ICE1: variants seen among roughly 807,000 people sequenced by gnomAD.
ICE1 encodes interactor of little elongation complex ELL subunit 1, also known as little elongation complex subunit 1.
A neutral mutation model predicts 192.7 loss-of-function variants in ICE1; 64 were observed. The ratio of observed to expected loss-of-function variants is 0.33; its 90% CI spans 0.27 to 0.41. ICE1 has a LOEUF of 0.41. Ranked by LOEUF, ICE1 falls within the 10% of genes least tolerant of loss-of-function variation. ICE1 has a pLI of 1.00. For missense variants in ICE1, 2,708 were observed against 2,696.0 expected (o/e 1.00, Z -0.10); for synonymous variants, 1,010 against 984.5 (o/e 1.03, Z -0.49).
At chr5:5,465,354 T>A in intron 13 of ICE1, 128 bp downstream of exon 13, 1 of 639,716 alleles carries the variant, frequency 1.6e-6, no homozygotes, top group East Asian at 2.8e-5. Flanking sequence ...GAGTTATCCA[T>A]GTAAACATTA....
At chr5:5,483,531 TGTG>T (rs904439176) in intron 17 of ICE1, among the ~76,000 whole-genome samples, 2 of 152,094 alleles carry the variant, frequency 1.3e-5, no homozygotes, top group Non-Finnish European at 2.9e-5. Context: ...GTCACAGAAA[TGTG>T]GTGGAGAATA....
Position 5,478,114 on chromosome 5 carries a change from G to A in ICE1, c.6520+2035G>A, listed in dbSNP as rs550487446. On this transcript the variant is annotated intron_variant, in intron 17 of 18. Transcript: ENST00000296564. ...ACTCCTGTTCAACATCGTATTGGAA[G>A]TTCTGGCCAGGCCAATCAGGCAAGA... Among the ~76,000 whole-genome samples, 5 of 152,326 alleles carry A rather than the reference G, an allele frequency of 3.3e-5. No homozygotes were observed. In the East Asian group the frequency reaches 9.6e-4, roughly 29 times the overall value.
chr5:5,461,069 A>G lies in ICE1; in HGVS notation c.1735A>G (p.Ile579Val). The G allele has an allele frequency of 1.2e-6, 2 of 1,614,096 alleles. No individual in the cohort carries two copies. Among genetic ancestry groups the G allele is most frequent in the South Asian group, 1.1e-5 (1 of 91,090 alleles). Residue 579 changes from isoleucine to valine, a missense_variant, in exon 13 of 19, where the codon ATC (isoleucine) becomes GTC (valine). Physicochemically the swap from Ile to Val is conservative, Grantham distance 29. Around this residue, in one of 2 missense-constraint regions of ICE1, gnomAD observed 2,366 missense variants for 2,276.6 expected, o/e 1.04. Coordinates refer to ENST00000296564, the MANE Select transcript of ICE1 (RefSeq NM_015325.3). ...INEITSEPDR[I>V]TVSGHFHRLS... ...TGAAATCACTTCTGAACCAGACCGTATCACAGTTTCTGGCCATTTTCACAG... is the reference window on the plus strand; with the variant it reads ...TGAAATCACTTCTGAACCAGACCGTGTCACAGTTTCTGGCCATTTTCACAG...
chr5:5,447,758 A>C lies in ICE1; in HGVS notation c.545A>C (p.Lys182Thr). The C allele has an allele frequency of 6.3e-7, 1 of 1,584,534 alleles. No homozygotes were observed. The highest frequency in any genetic ancestry group is 8.6e-7 in the Non-Finnish European group (1 of 1,163,142). ...LDEFSKQKNEKELRHIGTQIS... is the reference protein window; with the variant it reads ...LDEFSKQKNETELRHIGTQIS... ...GAATTTTCTAAACAGAAAAATGAAAAGGGTGAGTATTCAGTTAATGCTTAC... is the reference window on the plus strand; with the variant it reads ...GAATTTTCTAAACAGAAAAATGAAACGGGTGAGTATTCAGTTAATGCTTAC... Residue 182 changes from lysine to threonine, a missense_variant and splice_region_variant, in exon 9 of 19, where the codon AAG becomes ACG. Coordinates refer to ENST00000296564, the MANE Select transcript of ICE1 (RefSeq NM_015325.3).
chr5:5,442,415 T>A (rs1298294414), intron 5 of ICE1, among the ~76,000 whole-genome samples: 2 of 152,230 alleles, frequency 1.3e-5, no homozygotes, highest in African/African-American at 4.8e-5. Flanking sequence ...ACTATATGTA[T>A]AACTATGCTG....
intron 3 of ICE1, among the ~76,000 whole-genome samples, chr5:5,438,074 C>A (rs1280832696): frequency 1.3e-5 from 2 of 152,228 alleles, no homozygotes; most frequent in African/African-American, 4.8e-5. Flanking sequence ...ACTCAGAGTT[C>A]TGCATGGCTG....
chr5:5,464,694 C>A lies in ICE1; in HGVS notation c.5360C>A (p.Pro1787Gln), dbSNP rs370539758. The change falls in exon 13 of 19, where the codon CCG becomes CAG. Residue 1787 changes from proline to glutamine, a missense_variant. Transcript: ENST00000296564. The surrounding 1 kb of genome is among the most constrained non-coding windows in gnomAD (Gnocchi z 4.0). ...CCGCCTGCTGACTGTAAGAATTTAC[C>A]GGGACCTGCCAGTGCTATGATAGGA... ...RGPPADCKNL[P>Q]GPASAMIGFK... The A allele has an allele frequency of 6.2e-7, 1 of 1,613,890 alleles. No individual in the cohort carries two copies. The highest frequency in any genetic ancestry group is 1.1e-5 in the South Asian group (1 of 91,060).
At chr5:5,442,498 GAGA>G (rs1738080345) in intron 5 of ICE1, among the ~76,000 whole-genome samples, 1 of 152,208 alleles carries the variant, frequency 6.6e-6, no homozygotes, top group African/African-American at 2.4e-5. Flanking sequence ...AGCCATATTT[GAGA>G]AGAAGCATGA....
chr5:5,439,818 A>T, intron 3 of ICE1, 77 bp from the exon 4 acceptor site: 1 of 937,476 alleles, frequency 1.1e-6, no homozygotes, highest in Non-Finnish European at 1.6e-6. Context: ...ATTATTAAAG[A>T]TAATTGTAAA....
rs781360717 is a variant in ICE1 at position 5,463,841 on chromosome 5, A to G, written c.4507A>G (p.Thr1503Ala). ...QEDVSSSGQS[T>A]NFDKSRLRNR... is the part of the protein sequence containing the mutation. ...GGATGTTTCAAGCAGTGGTCAGAGCACCAACTTTGATAAGAGTCGTTTGCG... is the reference window on the plus strand; with the variant it reads ...GGATGTTTCAAGCAGTGGTCAGAGCGCCAACTTTGATAAGAGTCGTTTGCG... Residue 1503 changes from threonine to alanine, a missense_variant, in exon 13 of 19, where the codon ACC becomes GCC. Thr to Ala is a moderately conservative substitution (Grantham distance 58). Around this residue, in one of 2 missense-constraint regions of ICE1, gnomAD observed 2,366 missense variants for 2,276.6 expected, o/e 1.04. Transcript: ENST00000296564. The G allele has an allele frequency of 9.9e-6, 16 of 1,613,832 alleles. No homozygotes were observed. In the African/African-American group the frequency reaches 2.0e-4, roughly 20 times the overall value.
intron 6 of ICE1, among the ~76,000 whole-genome samples, chr5:5,443,687 C>G (rs558473850): frequency 6.6e-6 from 1 of 152,126 alleles, no homozygotes; most frequent in Non-Finnish European, 1.5e-5. Flanking sequence ...GGTATCTTTG[C>G]TACTATTCAT....
At chr5:5,430,723 C>A (rs952447582) in intron 1 of ICE1, among the ~76,000 whole-genome samples, 1 of 152,204 alleles carries the variant, frequency 6.6e-6, no homozygotes, top group African/African-American at 2.4e-5. Flanking sequence ...CTAAGCATAT[C>A]TCTTCTTTCT....
At position 5,464,427 on chromosome 5, in the gene ICE1, C is replaced by G; in HGVS notation, c.5093C>G (p.Pro1698Arg). The G allele has an allele frequency of 6.2e-7, 1 of 1,613,934 alleles. No homozygotes were observed. Among genetic ancestry groups the G allele is most frequent in the Non-Finnish European group, 8.5e-7 (1 of 1,179,882 alleles). The change falls in exon 13 of 19, where the codon CCA becomes CGA. Residue 1698 changes from proline to arginine, a missense_variant. Pro to Arg is a moderately radical substitution (Grantham distance 103). Coordinates refer to ENST00000296564, the MANE Select transcript of ICE1 (RefSeq NM_015325.3). This position sits in a 1 kb window ranked among gnomAD's most constrained non-coding sequence, Gnocchi z 4.0. Reference protein sequence around the residue: ...PRRASPPDPSPSPSAASASER... With the variant: ...PRRASPPDPSRSPSAASASER... ...CGTGCCTCTCCTCCAGATCCTTCTC[C>G]ATCTCCATCTGCAGCTTCAGCCAGT...
rs149092208 is a variant in ICE1 at position 5,436,747 on chromosome 5, C to T, written c.143+271C>T. Among the ~76,000 whole-genome samples the T allele has an allele frequency of 2.9e-4, 44 of 152,260 alleles. No homozygotes were observed. The East Asian group carries it at 8.5e-3, about 29-fold the overall frequency. On this transcript the variant is annotated intron_variant, in intron 2 of 18. Transcript: ENST00000296564. ...AAAATCTGTTTTCTGTCTTCAAAGCCTTCTTAGCTTTACTGCTGGACCTCA... is the reference window on the plus strand; with the variant it reads ...AAAATCTGTTTTCTGTCTTCAAAGCTTTCTTAGCTTTACTGCTGGACCTCA...
intron 17 of ICE1, among the ~76,000 whole-genome samples, chr5:5,486,067 A>ACT (rs1389525692): frequency 6.6e-6 from 1 of 152,210 alleles, no homozygotes; most frequent in African/African-American, 2.4e-5. Context: ...CAACCAGTGT[A>ACT]CTCAGTGTAT....
chr5:5,423,045 G>C (rs772798485), intron 1 of ICE1, 46 bp downstream of exon 1: 4 of 1,277,044 alleles, frequency 3.1e-6, no homozygotes, highest in Non-Finnish European at 4.0e-6. Context: ...GACTCGGCTC[G>C]GCCGGCCGGG....
chr5:5,435,694 T>TTTTC (rs1737854138), intron 1 of ICE1, among the ~76,000 whole-genome samples: 2 of 110,174 alleles, frequency 1.8e-5, no homozygotes, highest in African/African-American at 8.3e-5. Context: ...GTTTTTTTTT[T>TTTTC]CGAGATGGAA....
intron 12 of ICE1, among the ~76,000 whole-genome samples, chr5:5,459,840 G>T (rs1376128296): frequency 6.6e-6 from 1 of 152,196 alleles, no homozygotes; most frequent in East Asian, 1.9e-4. Context: ...AAAGGTTCTG[G>T]AGCAGAGGTG....
At chr5:5,431,134 T>C (rs1737695959) in intron 1 of ICE1, among the ~76,000 whole-genome samples, 3 of 152,166 alleles carry the variant, frequency 2.0e-5, no homozygotes, top group Admixed American at 6.5e-5. Context: ...GCCTGAGGTT[T>C]CTTCGGGGTC....
Sources: gnomAD v4.1 joint callset for allele counts (sites outside exome capture counted in the v4.1 genomes callset) on GRCh38, gnomAD v4.1.1 for gene constraint, gnomAD v4.1.1 regional missense constraint, Gnocchi (gnomAD v3.1) non-coding constraint, MANE v1.5 for transcripts, NCBI Gene and HGNC (gene_info 2026-07-23, HGNC 2026-07-21) for gene names.